The following CAPZB variants were observed in gnomAD, a reference collection of about 807,000 sequenced individuals.
CAPZB encodes F-actin-capping protein subunit beta.
CAPZB carries 2 observed loss-of-function variants against 38.1 expected under a neutral mutation model. The observed-to-expected ratio is 0.05, with a 90% confidence interval of 0.02 to 0.17. The LOEUF (loss-of-function observed/expected upper bound fraction) is 0.17. Among genes scored for constraint, CAPZB ranks in the 10% least tolerant of loss-of-function variants. The pLI, the probability that CAPZB is intolerant of heterozygous loss-of-function variation, is 1.00. For synonymous variants in CAPZB, 107 were observed against 127.4 expected, an observed-to-expected ratio of 0.84 and a Z score of 1.08; for missense variants, 161 against 334.2, an observed-to-expected ratio of 0.48 and a Z score of 4.04.
rs1284944190 is a variant in CAPZB at position 19,431,727 on chromosome 1, T to C, written c.4-11977A>G. On this transcript the variant is annotated intron_variant, in intron 1 of 8. Transcript: ENST00000264202. ...CAGAGTGAGACTCCGTCTCAAAAAA[T>C]AAAAAATAAAAAATAAAAAATAAAA... Among the ~76,000 whole-genome samples, 10 of 78,222 alleles carry C rather than the reference T, an allele frequency of 1.3e-4. No individual in the cohort carries two copies. The East Asian group carries it at 2.9e-3, about 23-fold the overall frequency. The allele number at this position is 78,222 out of a possible 152,430, so 51.3% of individuals were successfully genotyped here. A position where few individuals can be genotyped will look rare whatever the true frequency, so the allele number is the denominator to read the frequency against.
intron 2 of CAPZB, among the ~76,000 whole-genome samples, chr1:19,395,868 G>GCAGCCGGC (rs774126990): frequency 2.0e-5 from 3 of 152,234 alleles, no homozygotes; most frequent in African/African-American, 7.2e-5. Flanking sequence ...AGAACTGCCT[G>GCAGCCGGC]CAGCCGGCCA....
intron 1 of CAPZB, among the ~76,000 whole-genome samples, chr1:19,476,857 G>A (rs998280841): frequency 5.3e-5 from 8 of 152,156 alleles, no homozygotes; most frequent in Non-Finnish European, 1.0e-4. Context: ...GGAACCTCTC[G>A]GCCCCAGTTT....
At chr1:19,462,441 G>C (rs953415994) in intron 1 of CAPZB, among the ~76,000 whole-genome samples, 2 of 150,680 alleles carry the variant, frequency 1.3e-5, no homozygotes, top group African/African-American at 4.9e-5. Flanking sequence ...CTGGGCGACA[G>C]AGTGAGACTC....
chr1:19,423,420 G>A (rs961219849), intron 1 of CAPZB, among the ~76,000 whole-genome samples: 4 of 151,750 alleles, frequency 2.6e-5, no homozygotes, highest in African/African-American at 9.7e-5. Context: ...CCAGGAAATG[G>A]AACGATGGGG....
chr1:19,383,032 A>G (rs191011156), intron 3 of CAPZB, among the ~76,000 whole-genome samples: 77 of 151,702 alleles, frequency 5.1e-4, no homozygotes, highest in African/African-American at 1.8e-3. Context: ...TAATCCTAGC[A>G]ATTTGGGAAG....
chr1:19,477,483 C>T (rs1004714296), intron 1 of CAPZB, among the ~76,000 whole-genome samples: 2 of 152,226 alleles, frequency 1.3e-5, no homozygotes, highest in African/African-American at 4.8e-5. Context: ...CAAGACTTTT[C>T]ACACCAGAAG....
chr1:19,447,362 G>A (rs1281982938), intron 1 of CAPZB, among the ~76,000 whole-genome samples: 4 of 132,772 alleles, frequency 3.0e-5, no homozygotes, highest in East Asian at 2.2e-4. Flanking sequence ...TGGGATTACA[G>A]GCACGCTCCA....
chr1:19,453,661 C>A (rs959434795), intron 1 of CAPZB, among the ~76,000 whole-genome samples: 1 of 152,184 alleles, frequency 6.6e-6, no homozygotes, highest in African/African-American at 2.4e-5. Flanking sequence ...CCTTCTAGGT[C>A]TTCCCTGTCA....
At chr1:19,442,009 C>CAAAA (rs11384902) in intron 1 of CAPZB, among the ~76,000 whole-genome samples, 22 of 86,040 alleles carry the variant, frequency 2.6e-4, no homozygotes, top group African/African-American at 9.3e-4. Flanking sequence ...ACTCTGTCTC[C>CAAAA]AAAAAAAAAA....
chr1:19,380,108 G>A (rs528557091), intron 3 of CAPZB, among the ~76,000 whole-genome samples: 3 of 152,280 alleles, frequency 2.0e-5, no homozygotes, highest in Admixed American at 6.5e-5. Context: ...AGGCACCTAC[G>A]TCAGTAGATC....
intron 2 of CAPZB, among the ~76,000 whole-genome samples, chr1:19,396,786 CAAAAAA>C (rs35949767): frequency 1.6e-5 from 2 of 121,428 alleles, no homozygotes; most frequent in African/African-American, 3.2e-5. Context: ...AATAAAAATA[CAAAAAA>C]AAAAAAAAAA....
intron 2 of CAPZB, among the ~76,000 whole-genome samples, chr1:19,415,102 G>A (rs1189600507): frequency 6.6e-6 from 1 of 152,240 alleles, no homozygotes; most frequent in African/African-American, 2.4e-5. Context: ...TGGTGGACTG[G>A]ATCCATTCCC....
chr1:19,394,752 A>G (rs1214223918), intron 2 of CAPZB, among the ~76,000 whole-genome samples: 1 of 152,192 alleles, frequency 6.6e-6, no homozygotes, highest in Non-Finnish European at 1.5e-5. Context: ...AAACAAAAAA[A>G]GTGAGCAAGC....
intron 1 of CAPZB, chr1:19,484,349 G>A: frequency 1.3e-6 from 2 of 1,563,072 alleles, no homozygotes; most frequent in East Asian, 2.4e-5. Flanking sequence ...AAGGGCGATT[G>A]TGCGTTCATC....
chr1:19,484,656 G>A (rs1018387770), intron 1 of CAPZB: 6 of 1,164,122 alleles, frequency 5.2e-6, no homozygotes, highest in East Asian at 6.2e-5. Flanking sequence ...CGCGCCCCAG[G>A]TACAGGGAAG....
At chr1:19,401,686 G>A (rs918807565) in intron 2 of CAPZB, among the ~76,000 whole-genome samples, 1 of 152,160 alleles carries the variant, frequency 6.6e-6, no homozygotes, top group African/African-American at 2.4e-5. Context: ...ATTCAGGGGA[G>A]GACTAAACAA....
intron 1 of CAPZB, among the ~76,000 whole-genome samples, chr1:19,429,816 C>A (rs1216726272): frequency 6.6e-6 from 1 of 152,116 alleles, no homozygotes; most frequent in Admixed American, 6.5e-5. Context: ...TAAGCACCCA[C>A]AAAGGAGGGC....
chr1:19,476,189 T>C (rs2094605944), intron 1 of CAPZB, among the ~76,000 whole-genome samples: 3 of 126,076 alleles, frequency 2.4e-5, no homozygotes, highest in East Asian at 4.9e-4. Context: ...GATAGATAGA[T>C]AGATAGATAG....
At chr1:19,472,259 C>T (rs1403512051) in intron 1 of CAPZB, among the ~76,000 whole-genome samples, 1 of 152,156 alleles carries the variant, frequency 6.6e-6, no homozygotes, top group Non-Finnish European at 1.5e-5. Flanking sequence ...GACATGGAGA[C>T]CCTACTCATC....
Sources: allele counts gnomAD v4.1 joint callset (sites outside exome capture counted in the v4.1 genomes callset), GRCh38; gene constraint gnomAD v4.1.1; transcripts MANE v1.5; gene names NCBI Gene and HGNC (gene_info 2026-07-23, HGNC 2026-07-21).